The following TANC1 variants were observed in gnomAD, a reference collection of about 807,000 sequenced individuals.
TANC1 encodes the protein tetratricopeptide repeat, ankyrin repeat and coiled-coil containing 1.
A neutral mutation model predicts 149.7 loss-of-function variants in TANC1; 77 were observed. The ratio of observed to expected loss-of-function variants is 0.51; its 90% CI spans 0.43 to 0.62. TANC1 has a LOEUF of 0.62. Ranked by LOEUF, TANC1 falls within the 20% of genes least tolerant of loss-of-function variation. TANC1 has a pLI of 0.00. For missense variants in TANC1, 1,985 were observed against 2,321.8 expected (o/e 0.85, Z 2.98); for synonymous variants, 854 against 925.0 (o/e 0.92, Z 1.39).
intron 2 of TANC1, among the ~76,000 whole-genome samples, chr2:159,011,371 A>C (rs1341446085): frequency 6.6e-6 from 1 of 152,174 alleles, no homozygotes; most frequent in Non-Finnish European, 1.5e-5. Flanking sequence ...TAAGATCTCA[A>C]ATCTACTCCT....
At chr2:159,166,421 G>A (rs1005354018) in intron 8 of TANC1, among the ~76,000 whole-genome samples, 1 of 152,056 alleles carries the variant, frequency 6.6e-6, no homozygotes, top group African/African-American at 2.4e-5. Context: ...CCAAAAAACG[G>A]ACTTTCCTCC....
intron 4 of TANC1, among the ~76,000 whole-genome samples, chr2:159,112,963 T>C (rs1339771945): frequency 6.6e-6 from 1 of 152,088 alleles, no homozygotes; most frequent in Non-Finnish European, 1.5e-5. Flanking sequence ...AAAATTTTTT[T>C]GAGACAGGGT....
chr2:159,150,608 G>A (rs1315756472), intron 7 of TANC1, 52 bp downstream of exon 7: 3 of 1,403,124 alleles, frequency 2.1e-6, no homozygotes, highest in Admixed American at 1.7e-5. Flanking sequence ...ATCAACCAGA[G>A]CATTCACCAG....
intron 3 of TANC1, among the ~76,000 whole-genome samples, chr2:159,067,543 GTCTT>G (rs2042778637): frequency 6.6e-6 from 1 of 152,220 alleles, no homozygotes; most frequent in Non-Finnish European, 1.5e-5. Flanking sequence ...AGACCAAAAT[GTCTT>G]TCTTGTTAGT....
rs2054773658 is a variant in TANC1 at position 159,167,925 on chromosome 2, C to T, written c.947-1325C>T. Among the ~76,000 whole-genome samples, 6 of 152,160 alleles carry T rather than the reference C, an allele frequency of 3.9e-5. No individual in the cohort carries two copies. In the South Asian group the frequency reaches 1.2e-3, roughly 32 times the overall value. ...GCCTGTTGGGCAGCCAGAGGGTTTTCAGAAGACAGATGGCCCAACTCGACT... is the reference window on the plus strand; with the variant it reads ...GCCTGTTGGGCAGCCAGAGGGTTTTTAGAAGACAGATGGCCCAACTCGACT... On this transcript the variant is annotated intron_variant, in intron 8 of 26. Transcript: ENST00000263635.
At chr2:159,111,217 A>G (rs1179256625) in intron 4 of TANC1, among the ~76,000 whole-genome samples, 2 of 152,324 alleles carry the variant, frequency 1.3e-5, no homozygotes, top group Admixed American at 6.5e-5. Flanking sequence ...TGTGCACACT[A>G]TGGAAATGAG....
chr2:159,105,494 T>C (rs1482957907), intron 4 of TANC1, among the ~76,000 whole-genome samples: 1 of 152,176 alleles, frequency 6.6e-6, no homozygotes, highest in Non-Finnish European at 1.5e-5. Flanking sequence ...TGTCCAGTGA[T>C]ATTTACAAAC....
intron 19 of TANC1, among the ~76,000 whole-genome samples, chr2:159,201,806 T>C (rs1356716029): frequency 6.6e-6 from 1 of 152,236 alleles, no homozygotes; most frequent in Non-Finnish European, 1.5e-5. Context: ...TAGATTTAGC[T>C]GTGAACAGCT....
intron 3 of TANC1, among the ~76,000 whole-genome samples, chr2:159,084,269 GTCATT>G (rs1306830448): frequency 6.6e-6 from 1 of 151,792 alleles, no homozygotes; most frequent in African/African-American, 2.4e-5. Context: ...AAAAAATTCG[GTCATT>G]TCATTTTCTT....
At chr2:159,083,411 AC>A (rs1181922202) in intron 3 of TANC1, among the ~76,000 whole-genome samples, 1 of 151,948 alleles carries the variant, frequency 6.6e-6, no homozygotes, top group Non-Finnish European at 1.5e-5. Flanking sequence ...TATCTAGTAA[AC>A]TCTGTTTTTG....
chr2:159,218,762 G>C (rs545043009), intron 20 of TANC1, among the ~76,000 whole-genome samples: 1 of 152,346 alleles, frequency 6.6e-6, no homozygotes, highest in African/African-American at 2.4e-5. Flanking sequence ...ATCCGCCAAT[G>C]CTGCATCTTA....
intron 4 of TANC1, among the ~76,000 whole-genome samples, chr2:159,114,854 G>T (rs958637877): frequency 6.6e-6 from 1 of 152,138 alleles, no homozygotes; most frequent in African/African-American, 2.4e-5. Context: ...ACATTGTATG[G>T]GTGGATATGA....
Position 158,976,989 on chromosome 2 carries a change from A to G in TANC1, c.-126+8207A>G, listed in dbSNP as rs1291106087. Among the ~76,000 whole-genome samples, 4 of 152,338 alleles carry G rather than the reference A, an allele frequency of 2.6e-5. No individual in the cohort carries two copies. The East Asian group carries it at 7.7e-4, about 29-fold the overall frequency. On this transcript the variant is annotated intron_variant, in intron 1 of 26. Coordinates refer to ENST00000263635, the MANE Select transcript of TANC1 (RefSeq NM_033394.3). ...ATCCTTTAAAAGTTTTAAATGTTGT[A>G]TAATGTATATACTACATTCATGTGT...
chr2:159,212,851 C>T lies in TANC1; in HGVS notation c.3245-4646C>T, dbSNP rs112241067. Among the ~76,000 whole-genome samples the T allele has an allele frequency of 5.6e-3, 826 of 146,942 alleles. 6 individuals are homozygous for T. Among genetic ancestry groups the T allele is most frequent in the Middle Eastern group, 0.011 (3 of 276 alleles). On this transcript the variant is annotated intron_variant, in intron 19 of 26. Transcript: ENST00000263635. ...AGGAAAATGGCGTGAACCCAAGAGG[C>T]GGAGGTTGCAGTGAGCCGAGATTGT...
intron 16 of TANC1, among the ~76,000 whole-genome samples, chr2:159,193,536 T>C (rs796078646): frequency 6.6e-6 from 1 of 152,216 alleles, no homozygotes; most frequent in Non-Finnish European, 1.5e-5. Context: ...TGTTTTGTTT[T>C]TGTTTTTGAG....
intron 4 of TANC1, among the ~76,000 whole-genome samples, chr2:159,122,382 C>T (rs922416712): frequency 2.0e-5 from 3 of 152,124 alleles, no homozygotes; most frequent in Non-Finnish European, 2.9e-5. Context: ...CTTCCTATAA[C>T]TGGGTATCAC....
At chr2:159,174,243 A>C (rs2150503489) in intron 11 of TANC1, among the ~76,000 whole-genome samples, 1 of 152,266 alleles carries the variant, frequency 6.6e-6, no homozygotes, top group East Asian at 1.9e-4. Flanking sequence ...TCCCTCTCAC[A>C]AACAGCCTGC....
chr2:159,172,306 T>C (rs1179783625), intron 11 of TANC1, 34 bp downstream of exon 11: 1 of 1,598,764 alleles, frequency 6.3e-7, no homozygotes, highest in African/African-American at 1.3e-5. Context: ...GCCTTCCACA[T>C]AGAGAGATTT....
chr2:159,188,899 A>G (rs1242617042), intron 16 of TANC1, among the ~76,000 whole-genome samples: 3 of 152,326 alleles, frequency 2.0e-5, no homozygotes, highest in Non-Finnish European at 2.9e-5. Context: ...GAAAATTTCC[A>G]TATCGTTGGG....
Sources: gnomAD v4.1 joint callset for allele counts (sites outside exome capture counted in the v4.1 genomes callset) on GRCh38, gnomAD v4.1.1 for gene constraint, MANE v1.5 for transcripts, NCBI Gene and HGNC (gene_info 2026-07-23, HGNC 2026-07-21) for gene names.